MCTP2: variants seen among roughly 807,000 people sequenced by gnomAD.
MCTP2 encodes multiple C2 and transmembrane domain containing 2.
MCTP2 carries 132 observed loss-of-function variants against 111.6 expected under a neutral mutation model. The observed-to-expected ratio is 1.18, with a 90% CI of 1.03 to 1.37. MCTP2 has a LOEUF of 1.37. MCTP2 is among the 40% of genes most tolerant of loss of function. The probability of loss-of-function intolerance (pLI) is 0.00; values close to 1 mark genes in which losing one functional copy is unlikely to be tolerated. For missense variants in MCTP2, 1,183 were observed against 1,067.9 expected (o/e 1.11, Z -1.50); for synonymous variants, 395 against 387.7 (o/e 1.02, Z -0.22).
chr15:94,363,228 C>T (rs1163419706), intron 10 of MCTP2, among the ~76,000 whole-genome samples: 1 of 152,072 alleles, frequency 6.6e-6, no homozygotes, highest in African/African-American at 2.4e-5. Flanking sequence ...GGGCAGAAGG[C>T]ACAGTACTTG....
chr15:94,237,979 C>T (rs2070687021), intron 1 of MCTP2, among the ~76,000 whole-genome samples: 1 of 152,112 alleles, frequency 6.6e-6, no homozygotes, highest in Admixed American at 6.6e-5. Context: ...GCCCCGCGCA[C>T]TTTGAGTTGT....
chr15:94,412,137 A>G (rs2082178578), intron 17 of MCTP2, among the ~76,000 whole-genome samples: 1 of 152,196 alleles, frequency 6.6e-6, no homozygotes, highest in Admixed American at 6.5e-5. Context: ...GGCTTCAGAA[A>G]GTGATTTTCC....
chr15:94,423,616 A>G (rs953904323), intron 17 of MCTP2, among the ~76,000 whole-genome samples: 4 of 152,108 alleles, frequency 2.6e-5, no homozygotes, highest in African/African-American at 9.7e-5. Context: ...TGTACTTAAA[A>G]CTGTATTTAA....
intron 1 of MCTP2, among the ~76,000 whole-genome samples, chr15:94,252,415 C>T (rs544672430): frequency 1.2e-4 from 19 of 152,150 alleles, no homozygotes; most frequent in Non-Finnish European, 2.6e-4. Flanking sequence ...AGTTGTAAGA[C>T]ATGACCTTTT....
At chr15:94,472,591 G>C (rs1033791945) in intron 21 of MCTP2, among the ~76,000 whole-genome samples, 1 of 152,102 alleles carries the variant, frequency 6.6e-6, no homozygotes, top group Non-Finnish European at 1.5e-5. Flanking sequence ...TTATTAAATG[G>C]TATGGAGTTT....
intron 1 of MCTP2, among the ~76,000 whole-genome samples, chr15:94,245,237 TATATATAC>T (rs2071752756): frequency 7.0e-6 from 1 of 142,628 alleles, no homozygotes; most frequent in Non-Finnish European, 1.5e-5. Flanking sequence ...CATATGTATG[TATATATAC>T]ACATATGTAT....
intron 18 of MCTP2, among the ~76,000 whole-genome samples, chr15:94,441,068 G>A (rs2083755550): frequency 6.6e-6 from 1 of 152,048 alleles, no homozygotes; most frequent in Non-Finnish European, 1.5e-5. Flanking sequence ...AAAATCTAAA[G>A]TCCTAAGACT....
intron 4 of MCTP2, among the ~76,000 whole-genome samples, chr15:94,321,484 G>C (rs2076627071): frequency 6.6e-6 from 1 of 152,154 alleles, no homozygotes; most frequent in African/African-American, 2.4e-5. Flanking sequence ...ATAGGCAATA[G>C]ATATGTTGTT....
chr15:94,457,795 C>G (rs966892201), intron 19 of MCTP2, among the ~76,000 whole-genome samples: 2 of 152,110 alleles, frequency 1.3e-5, no homozygotes, highest in Non-Finnish European at 2.9e-5. Flanking sequence ...CCTGTGGAGA[C>G]AGAGGAAGTC....
Position 94,481,975 on chromosome 15 carries a change from A to G in MCTP2, c.*2941A>G, listed in dbSNP as rs1036005145. On this transcript the variant is annotated 3_prime_UTR_variant, in exon 23 of 23. Transcript: ENST00000357742. The stretch of plus-strand genomic sequence containing the variant: ...TTATTTATAATCCCTGACTATGTCA[A>G]TTATAAACTTTTAAATTATGTCTTA... 1 of 152,212 alleles carries G rather than the reference A, an allele frequency of 6.6e-6. No individual in the cohort carries two copies. The highest frequency in any genetic ancestry group is 2.4e-5 in the African/African-American group (1 of 41,454). 9.4% of individuals were successfully genotyped at this position (152,212 alleles called of 1,614,324 possible). A position where few individuals can be genotyped will look rare whatever the true frequency, so the allele number is the denominator to read the frequency against.
At chr15:94,320,315 G>A (rs1371383854) in intron 4 of MCTP2, among the ~76,000 whole-genome samples, 5 of 151,856 alleles carry the variant, frequency 3.3e-5, no homozygotes, top group African/African-American at 9.7e-5. Context: ...GCTAATTTTT[G>A]TATTTTTAGT....
intron 14 of MCTP2, among the ~76,000 whole-genome samples, chr15:94,396,313 T>G (rs1038407767): frequency 6.6e-6 from 1 of 152,166 alleles, no homozygotes; most frequent in African/African-American, 2.4e-5. Context: ...TATATATAGA[T>G]TCTCTCCTCT....
intron 17 of MCTP2, among the ~76,000 whole-genome samples, chr15:94,426,141 TGAGAGAGA>T (rs10603478): frequency 1.5e-3 from 208 of 140,928 alleles, no homozygotes; most frequent in Non-Finnish European, 2.3e-3. Context: ...AGAGAGAGAT[TGAGAGAGA>T]GAGAGAGAGA....
intron 20 of MCTP2, among the ~76,000 whole-genome samples, chr15:94,469,008 ATC>A (rs772457465): frequency 1.2e-4 from 19 of 152,194 alleles, no homozygotes; most frequent in Non-Finnish European, 2.5e-4. Flanking sequence ...AAGTTAGACA[ATC>A]TCTGTCAGTC....
At chr15:94,263,943 C>T (rs532449686) in intron 1 of MCTP2, among the ~76,000 whole-genome samples, 7 of 152,268 alleles carry the variant, frequency 4.6e-5, no homozygotes, top group Non-Finnish European at 8.8e-5. Context: ...CCCTTTCTTC[C>T]GAAGAGCTTA....
At chr15:94,340,378 C>G in intron 6 of MCTP2, 103 bp downstream of exon 6, 1 of 853,200 alleles carries the variant, frequency 1.2e-6, no homozygotes. Context: ...AATAACATAT[C>G]TGAACAAATG....
chr15:94,440,198 AT>A lies in MCTP2; in HGVS notation c.2112del (p.Phe704LeufsTer5). The A allele has an allele frequency of 6.2e-7, 1 of 1,614,000 alleles. No individual in the cohort carries two copies. Among genetic ancestry groups the A allele is most frequent in the Non-Finnish European group, 8.5e-7 (1 of 1,179,938 alleles). The part of the protein sequence containing the change: ...AFAVFLITVW[N>X]FELYMIPLAL... Reference sequence around the variant, plus strand: ...CAGGTATTTTTGATCACTGTCTGGAATTTTGAACTATATATGATCCCCTTGG... The same window carrying A: ...CAGGTATTTTTGATCACTGTCTGGAATTTGAACTATATATGATCCCCTTGG... On this transcript the variant is annotated frameshift_variant, in exon 18 of 23. Coordinates refer to ENST00000357742, the MANE Select transcript of MCTP2 (RefSeq NM_001385001.1). LOFTEE classifies it high-confidence loss of function.
At position 94,298,694 on chromosome 15, in the gene MCTP2, A is replaced by T. The variant is rs1193886781; in HGVS notation, c.429A>T (p.Lys143Asn). 6.2e-7 allele frequency: 1 copy of T among 1,612,342 alleles called. No homozygotes were observed. The highest frequency in any genetic ancestry group is 1.7e-5 in the Admixed American group (1 of 59,876). ...VSSNGIFDLQ[K>N]TSLGGDAPEE... Reference sequence around the variant, plus strand: ...GCAACGGCATCTTTGATCTTCAGAAAACTTCCCTTGGAGGGGATGCACCAG... The same window carrying T: ...GCAACGGCATCTTTGATCTTCAGAATACTTCCCTTGGAGGGGATGCACCAG... The change falls in exon 2 of 23, where the codon AAA (lysine) becomes AAT (asparagine). Residue 143 changes from lysine to asparagine, a missense_variant. By Grantham distance (94) the Lys-to-Asn change is moderately conservative. Coordinates refer to ENST00000357742, the MANE Select transcript of MCTP2 (RefSeq NM_001385001.1).
At chr15:94,248,898 G>A (rs1335636418) in intron 1 of MCTP2, among the ~76,000 whole-genome samples, 1 of 152,178 alleles carries the variant, frequency 6.6e-6, no homozygotes, top group Non-Finnish European at 1.5e-5. Context: ...AACTCAATAT[G>A]GAACAGTATG....
Sources: allele counts gnomAD v4.1 joint callset (sites outside exome capture counted in the v4.1 genomes callset), GRCh38; gene constraint gnomAD v4.1.1; transcripts MANE v1.5; gene names NCBI Gene and HGNC (gene_info 2026-07-23, HGNC 2026-07-21).